The following CRTC3 variants were observed in gnomAD, a reference collection of about 807,000 sequenced individuals.
CRTC3 encodes CREB-regulated transcription coactivator 3.
CRTC3 carries 26 observed loss-of-function variants against 74.5 expected under a neutral mutation model. That is an observed-to-expected ratio of 0.35 (90% CI 0.26 to 0.48). The LOEUF (loss-of-function observed/expected upper bound fraction) is 0.48. Ranked by LOEUF, CRTC3 falls within the 20% of genes least tolerant of loss-of-function variation. The pLI is 0.99. For synonymous variants in CRTC3, 377 were observed against 325.8 expected, an observed-to-expected ratio of 1.16 and a Z score of -1.69; for missense variants, 760 against 787.3, an observed-to-expected ratio of 0.97 and a Z score of 0.41.
intron 9 of CRTC3, among the ~76,000 whole-genome samples, chr15:90,622,780 G>A (rs1224383265): frequency 6.6e-6 from 1 of 151,352 alleles, no homozygotes; most frequent in Non-Finnish European, 1.5e-5. Context: ...GAACCCGGGA[G>A]GCAGAGGTTG....
At chr15:90,544,074 T>C (rs1258858530) in intron 2 of CRTC3, among the ~76,000 whole-genome samples, 2 of 152,218 alleles carry the variant, frequency 1.3e-5, no homozygotes, top group African/African-American at 4.8e-5. Context: ...AGAAATTTAT[T>C]TTCTCATGTT....
At chr15:90,594,015 T>G in intron 3 of CRTC3, 1 of 295,054 alleles carries the variant, frequency 3.4e-6, no homozygotes, top group East Asian at 5.7e-5. Context: ...TTCGGTCCCA[T>G]TGCAGGGTGT....
Position 90,604,368 on chromosome 15 carries a change from T to G in CRTC3, c.414-17T>G, listed in dbSNP as rs1450154762. 6.2e-7 allele frequency: 1 copy of G among 1,610,464 alleles called. No homozygotes were observed. The highest frequency in any genetic ancestry group is 8.5e-7 in the Non-Finnish European group (1 of 1,176,702). Reference sequence around the variant, plus strand: ...GGATTGACTTCTTTTCCTTTTATGTTGTTCTGGTTTTTAAAGGCAGCAGCC... The same window carrying G: ...GGATTGACTTCTTTTCCTTTTATGTGGTTCTGGTTTTTAAAGGCAGCAGCC... On this transcript the variant is annotated splice_polypyrimidine_tract_variant and intron_variant, in intron 4 of 14. Coordinates refer to ENST00000268184, the MANE Select transcript of CRTC3 (RefSeq NM_022769.5).
At chr15:90,563,617 A>G (rs1425414912) in intron 2 of CRTC3, among the ~76,000 whole-genome samples, 1 of 152,212 alleles carries the variant, frequency 6.6e-6, no homozygotes, top group Non-Finnish European at 1.5e-5. Flanking sequence ...TTGCCCTGGC[A>G]GAGGCATCAG....
chr15:90,637,647 G>T (rs978157700), intron 11 of CRTC3, among the ~76,000 whole-genome samples: 2 of 152,112 alleles, frequency 1.3e-5, no homozygotes, highest in African/African-American at 2.4e-5. Context: ...TTATTATCTC[G>T]AAAGTAGAAC....
intron 2 of CRTC3, among the ~76,000 whole-genome samples, chr15:90,560,778 A>G (rs1415107622): frequency 6.6e-6 from 1 of 152,194 alleles, no homozygotes; most frequent in African/African-American, 2.4e-5. Context: ...ATGAATTACC[A>G]AGGCTCCTGA....
intron 9 of CRTC3, among the ~76,000 whole-genome samples, chr15:90,624,600 G>A (rs1968764297): frequency 1.3e-5 from 2 of 152,178 alleles, no homozygotes. Context: ...TCCTGACATG[G>A]ACAACTCCTG....
chr15:90,529,986 C>T lies in CRTC3; in HGVS notation c.-86C>T, dbSNP rs1966596512. On this transcript the variant is annotated 5_prime_UTR_variant, in exon 1 of 15. Transcript: ENST00000268184. Reference sequence around the variant, plus strand: ...CGGACGACTGGCTTCGGGCGGCGGCCCCGGCGGCCTGTGGACGGACGGGTG... The same window carrying T: ...CGGACGACTGGCTTCGGGCGGCGGCTCCGGCGGCCTGTGGACGGACGGGTG... The T allele has an allele frequency of 1.9e-6, 2 of 1,063,444 alleles. No individual in the cohort carries two copies. Among genetic ancestry groups the T allele is most frequent in the Admixed American group, 5.2e-5 (1 of 19,378 alleles). 65.9% of individuals were successfully genotyped at this position (1,063,444 alleles called of 1,614,324 possible).
At chr15:90,595,573 A>C (rs1347425602) in intron 3 of CRTC3, 1 of 152,072 alleles carries the variant, frequency 6.6e-6, no homozygotes, top group South Asian at 2.1e-4. Flanking sequence ...AAAAAAAAAA[A>C]AAAAACCAAT....
chr15:90,569,731 C>T (rs1429725306), intron 2 of CRTC3, among the ~76,000 whole-genome samples: 1 of 151,746 alleles, frequency 6.6e-6, no homozygotes, highest in Non-Finnish European at 1.5e-5. Context: ...TAGGTTCACC[C>T]CGCCATGCCT....
chr15:90,587,011 G>A (rs1404760437), intron 2 of CRTC3, among the ~76,000 whole-genome samples: 1 of 152,210 alleles, frequency 6.6e-6, no homozygotes, highest in Non-Finnish European at 1.5e-5. Context: ...AAGATCTGGG[G>A]TTTCTAATTA....
chr15:90,603,240 G>GT (rs1968125463), intron 4 of CRTC3, among the ~76,000 whole-genome samples: 1 of 150,736 alleles, frequency 6.6e-6, no homozygotes. Context: ...TCAGGAGATC[G>GT]AGACCATCCT....
At chr15:90,618,598 G>T (rs1968557451) in intron 8 of CRTC3, among the ~76,000 whole-genome samples, 1 of 152,184 alleles carries the variant, frequency 6.6e-6, no homozygotes. Flanking sequence ...AAAGAAAACA[G>T]TTAATCTGTT....
chr15:90,542,472 C>A (rs1212615055), intron 2 of CRTC3, among the ~76,000 whole-genome samples: 1 of 152,162 alleles, frequency 6.6e-6, no homozygotes, highest in East Asian at 1.9e-4. Context: ...AACTACTGTG[C>A]CCTGCTGACA....
chr15:90,559,041 C>T (rs1004148740), intron 2 of CRTC3, among the ~76,000 whole-genome samples: 2 of 152,036 alleles, frequency 1.3e-5, no homozygotes, highest in African/African-American at 4.8e-5. Flanking sequence ...TGTGAGCCAC[C>T]GCGCCTGTCC....
chr15:90,568,272 T>C (rs1967171386), intron 2 of CRTC3, among the ~76,000 whole-genome samples: 1 of 152,242 alleles, frequency 6.6e-6, no homozygotes. Context: ...GGTGAAGATG[T>C]TGTGACCATT....
intron 7 of CRTC3, among the ~76,000 whole-genome samples, chr15:90,615,762 T>C (rs1968476137): frequency 6.6e-6 from 1 of 152,242 alleles, no homozygotes; most frequent in Non-Finnish European, 1.5e-5. Flanking sequence ...GAAGTAGCCT[T>C]GAGCTGTGTG....
At chr15:90,554,264 C>T (rs567271837) in intron 2 of CRTC3, among the ~76,000 whole-genome samples, 7 of 150,266 alleles carry the variant, frequency 4.7e-5, no homozygotes, top group South Asian at 2.1e-4. Flanking sequence ...AGTGCAGTGG[C>T]GTGATCTTGG....
chr15:90,551,929 C>T (rs960150874), intron 2 of CRTC3, among the ~76,000 whole-genome samples: 20 of 6,462 alleles, frequency 3.1e-3, no homozygotes, highest in South Asian at 4.5e-3. Flanking sequence ...ATTACACACA[C>T]GCACACACAC....
Sources: allele counts gnomAD v4.1 joint callset (sites outside exome capture counted in the v4.1 genomes callset), GRCh38; gene constraint gnomAD v4.1.1; transcripts MANE v1.5; gene names NCBI Gene and HGNC (gene_info 2026-07-23, HGNC 2026-07-21).